SDK1: variants seen among roughly 807,000 people sequenced by gnomAD.
The protein encoded by SDK1 is protein sidekick-1.
In SDK1, 157 loss-of-function variants were observed where a neutral mutation model predicts 245.5. That is an observed-to-expected ratio of 0.64 (90% CI 0.56 to 0.73). The LOEUF is 0.73. SDK1 is among the 30% of genes least tolerant of loss of function. SDK1 has a pLI of 0.00. For synonymous variants in SDK1, 1,647 were observed against 1,278.5 expected (o/e 1.29, Z -6.15); for missense variants, 3,583 against 3,002.3 (o/e 1.19, Z -4.52).
At chr7:3,338,677 G>GAA (rs1227584084) in intron 1 of SDK1, 3 of 166,422 alleles carry the variant, frequency 1.8e-5, no homozygotes, top group South Asian at 1.6e-4. Flanking sequence ...TGTGTTTAAA[G>GAA]AAAAAAAAAA....
At chr7:3,450,739 A>G (rs573822063) in intron 1 of SDK1, among the ~76,000 whole-genome samples, 1 of 152,270 alleles carries the variant, frequency 6.6e-6, no homozygotes, top group East Asian at 1.9e-4. Flanking sequence ...TTTTGACATT[A>G]TCAGTGTATA....
chr7:3,772,176 G>A (rs1780423618), intron 4 of SDK1, among the ~76,000 whole-genome samples: 1 of 151,372 alleles, frequency 6.6e-6, no homozygotes, highest in Non-Finnish European at 1.5e-5. Context: ...TCACTTTTTT[G>A]GTTTTCCATT....
At chr7:3,751,957 G>A (rs1047478528) in intron 4 of SDK1, among the ~76,000 whole-genome samples, 3 of 152,204 alleles carry the variant, frequency 2.0e-5, no homozygotes, top group African/African-American at 7.2e-5. Flanking sequence ...GAAAGATAGT[G>A]TTTCATGGGA....
At chr7:3,999,052 A>C (rs1366812040) in intron 14 of SDK1, among the ~76,000 whole-genome samples, 3 of 152,036 alleles carry the variant, frequency 2.0e-5, no homozygotes, top group African/African-American at 7.3e-5. Context: ...TCATTGTATC[A>C]CCCAATTTTA....
intron 19 of SDK1, among the ~76,000 whole-genome samples, chr7:4,062,548 A>G (rs76454370): frequency 5.3e-5 from 8 of 152,290 alleles, no homozygotes; most frequent in African/African-American, 1.2e-4. Context: ...ACTAAAACCA[A>G]TTCTCCTCAA....
chr7:4,071,684 C>G (rs931725581), intron 20 of SDK1, among the ~76,000 whole-genome samples: 21 of 152,186 alleles, frequency 1.4e-4, no homozygotes, highest in African/African-American at 5.1e-4. Flanking sequence ...GAGCAGGAGG[C>G]TACCATTCGG....
intron 35 of SDK1, among the ~76,000 whole-genome samples, chr7:4,186,430 C>T (rs954444079): frequency 6.6e-6 from 1 of 152,214 alleles, no homozygotes; most frequent in African/African-American, 2.4e-5. Context: ...GGCAGCTGCC[C>T]CAGGACAGAG....
At chr7:3,354,969 G>A (rs1157632410) in intron 1 of SDK1, among the ~76,000 whole-genome samples, 1 of 152,158 alleles carries the variant, frequency 6.6e-6, no homozygotes, top group Non-Finnish European at 1.5e-5. Context: ...TTACTTTCTT[G>A]TGTCTGTGGG....
At chr7:3,553,184 C>G (rs1439568577) in intron 1 of SDK1, among the ~76,000 whole-genome samples, 1 of 151,950 alleles carries the variant, frequency 6.6e-6, no homozygotes, top group African/African-American at 2.4e-5. Flanking sequence ...TTCTGAGTGT[C>G]TATTTCATAG....
intron 1 of SDK1, among the ~76,000 whole-genome samples, chr7:3,557,021 C>G (rs1332572019): frequency 7.1e-6 from 1 of 140,868 alleles, no homozygotes; most frequent in Non-Finnish European, 1.6e-5. Flanking sequence ...GGTCTCAAAT[C>G]AATAATCTAA....
chr7:3,551,002 A>G (rs950154583), intron 1 of SDK1, among the ~76,000 whole-genome samples: 4 of 152,206 alleles, frequency 2.6e-5, no homozygotes, highest in Non-Finnish European at 5.9e-5. Context: ...AGTGAACTCA[A>G]CCAGCTTTTA....
At position 3,845,782 on chromosome 7, in the gene SDK1, G is replaced by A. The variant is rs142535194; in HGVS notation, c.847+24199G>A. ...TTTAACACTGAACAGGTTGCTTGCT[G>A]TATGAAACCAAAATAATAAAAGTAA... On this transcript the variant is annotated intron_variant, in intron 5 of 44. Coordinates refer to ENST00000404826, the MANE Select transcript of SDK1 (RefSeq NM_152744.4). Among the ~76,000 whole-genome samples the A allele has an allele frequency of 2.2e-3, 333 of 151,610 alleles. 1 individual carries two copies. In the Middle Eastern group the frequency reaches 0.024, roughly 11 times the overall value.
Position 4,039,159 on chromosome 7 carries a change from G to C in SDK1, c.2603-10189G>C, listed in dbSNP as rs555923142. On this transcript the variant is annotated intron_variant, in intron 17 of 44. Coordinates refer to ENST00000404826, the MANE Select transcript of SDK1 (RefSeq NM_152744.4). The stretch of plus-strand genomic sequence containing the variant: ...ACACACCGGGGCCTGTTGTGGGGTG[G>C]GGGGAGCGGGGAGGGATAGCATTAG... Among the ~76,000 whole-genome samples the C allele has an allele frequency of 6.2e-5, 9 of 146,278 alleles. 1 individual carries two copies. The highest frequency in any genetic ancestry group is 8.0e-5 in the African/African-American group (3 of 37,632).
chr7:3,369,937 G>A (rs755762334), intron 1 of SDK1, among the ~76,000 whole-genome samples: 10 of 152,196 alleles, frequency 6.6e-5, no homozygotes, highest in Non-Finnish European at 1.3e-4. Flanking sequence ...AGTGCCCTAG[G>A]CACAGGCAGC....
intron 17 of SDK1, among the ~76,000 whole-genome samples, chr7:4,017,765 C>T (rs549340971): frequency 1.3e-5 from 2 of 152,276 alleles, no homozygotes; most frequent in Admixed American, 6.5e-5. Flanking sequence ...AACGACGTAA[C>T]GTGATTACTG....
chr7:4,201,592 T>C (rs534492922), intron 35 of SDK1, among the ~76,000 whole-genome samples: 114 of 152,260 alleles, frequency 7.5e-4, no homozygotes, highest in Non-Finnish European at 1.6e-3. Context: ...AAATCTGGCA[T>C]GGTCTATCCT....
chr7:3,854,504 A>G (rs1780493002), intron 5 of SDK1, among the ~76,000 whole-genome samples: 1 of 152,190 alleles, frequency 6.6e-6, no homozygotes, highest in Non-Finnish European at 1.5e-5. Flanking sequence ...GCTAAAGGTG[A>G]TCTGATTAGT....
intron 5 of SDK1, among the ~76,000 whole-genome samples, chr7:3,834,664 A>G (rs1221346468): frequency 6.6e-6 from 1 of 152,168 alleles, no homozygotes; most frequent in East Asian, 1.9e-4. Flanking sequence ...CTCTGCATTT[A>G]ATACAACCCC....
At chr7:3,642,654 G>A (rs1352249518) in intron 4 of SDK1, among the ~76,000 whole-genome samples, 5 of 152,152 alleles carry the variant, frequency 3.3e-5, no homozygotes, top group African/African-American at 1.2e-4. Context: ...TTTGTGATTA[G>A]TTAGGCAAGA....
Sources: gnomAD v4.1 joint callset for allele counts (sites outside exome capture counted in the v4.1 genomes callset) on GRCh38, gnomAD v4.1.1 for gene constraint, MANE v1.5 for transcripts, NCBI Gene and HGNC (gene_info 2026-07-23, HGNC 2026-07-21) for gene names.